Variants in NGEF observed in about 807,000 individuals in gnomAD.
NGEF encodes the protein neuronal guanine nucleotide exchange factor, also known as ephexin-1.
Under a neutral mutation model 80.9 loss-of-function variants are expected in NGEF, and 31 were observed. The ratio of observed to expected loss-of-function variants is 0.38; its 90% CI spans 0.29 to 0.52. NGEF has a LOEUF of 0.52. Ranked by LOEUF, NGEF falls within the 20% of genes least tolerant of loss-of-function variation. The pLI is 0.84. For synonymous variants in NGEF, 371 were observed against 370.2 expected, an observed-to-expected ratio of 1.00 and a Z score of -0.03; for missense variants, 709 against 926.2, an observed-to-expected ratio of 0.77 and a Z score of 3.04.
At chr2:232,920,224 C>G (rs377343540) in intron 5 of NGEF, 60 bp downstream of exon 5, 3 of 1,531,582 alleles carry the variant, frequency 2.0e-6, no homozygotes, top group African/African-American at 1.4e-5. Context: ...GCCTCACCCC[C>G]AGCAGTGAGG....
chr2:233,000,236 T>C lies in NGEF; in HGVS notation c.-75+12832A>G, dbSNP rs367798020. On this transcript the variant is annotated intron_variant, in intron 1 of 14. Transcript: ENST00000264051. Reference sequence around the variant, plus strand: ...TCAGTCTCCTGAGTAGCTGGGACTATAGGCATACACTGCCATGCTTGGCTA... The same window carrying C: ...TCAGTCTCCTGAGTAGCTGGGACTACAGGCATACACTGCCATGCTTGGCTA... Among the ~76,000 whole-genome samples, 6 of 152,310 alleles carry C rather than the reference T, an allele frequency of 3.9e-5. No homozygotes were observed. The South Asian group carries it at 1.2e-3, about 32-fold the overall frequency.
Position 232,888,088 on chromosome 2 carries a change from T to C in NGEF, c.1292A>G (p.Glu431Gly). 2 of 1,607,696 alleles carry C rather than the reference T, an allele frequency of 1.2e-6. No homozygotes were observed. The part of the protein sequence containing the change: ...LLVQNILKRV[E>G]ERSERECTAL... ...AGTGCACTCCCGCTCAGACCTCTCTTCTACCCTCTTCAGGATGTTCTATGC... is the reference window on the plus strand; with the variant it reads ...AGTGCACTCCCGCTCAGACCTCTCTCCTACCCTCTTCAGGATGTTCTATGC... Residue 431 changes from glutamate to glycine, a missense_variant, in exon 9 of 15, where the codon GAA (glutamate) becomes GGA (glycine). This residue lies in a region of NGEF where 426 missense variants were observed against 622.9 expected (regional missense o/e 0.68). Coordinates refer to ENST00000264051, the MANE Select transcript of NGEF (RefSeq NM_019850.3).
At chr2:232,917,655 G>C (rs918904548) in intron 5 of NGEF, among the ~76,000 whole-genome samples, 1 of 151,836 alleles carries the variant, frequency 6.6e-6, no homozygotes, top group South Asian at 2.1e-4. Context: ...ATTTTTAGTA[G>C]ATGAATAAGA....
intron 3 of NGEF, among the ~76,000 whole-genome samples, chr2:232,962,438 A>G (rs1168860008): frequency 2.0e-5 from 3 of 151,844 alleles, no homozygotes; most frequent in Non-Finnish European, 4.4e-5. Context: ...AATCCCAGCT[A>G]CTTGGGAAGC....
intron 5 of NGEF, among the ~76,000 whole-genome samples, chr2:232,910,589 G>C (rs1015390630): frequency 5.3e-5 from 8 of 151,714 alleles, no homozygotes; most frequent in African/African-American, 2.0e-4. Context: ...CTACGGGGCG[G>C]GGCTGCTGGG....
At chr2:232,970,459 CT>C in intron 2 of NGEF, 131 bp from the exon 3 acceptor site, 1 of 583,968 alleles carries the variant, frequency 1.7e-6, no homozygotes, top group East Asian at 3.5e-5. Flanking sequence ...AGGGGTGTCC[CT>C]CCCCTCACTC....
intron 11 of NGEF, 92 bp downstream of exon 11, chr2:232,883,889 C>T (rs760864748): frequency 1.8e-5 from 25 of 1,353,698 alleles, no homozygotes; most frequent in East Asian, 5.0e-5. Flanking sequence ...AGCTCTGTCC[C>T]GACACCCCCA....
intron 13 of NGEF, 123 bp from the exon 14 acceptor site, chr2:232,881,373 C>T (rs930119144): frequency 3.3e-5 from 23 of 696,352 alleles, no homozygotes; most frequent in African/African-American, 1.6e-4. Flanking sequence ...GAGAAGGGCT[C>T]GTCTGAGGAA....
At chr2:232,883,566 C>A in intron 11 of NGEF, 100 bp from the exon 12 acceptor site, 1 of 1,211,004 alleles carries the variant, frequency 8.3e-7, no homozygotes, top group Non-Finnish European at 1.1e-6. Flanking sequence ...GGCTCCACAG[C>A]GCTGGCTGAT....
chr2:232,894,035 T>A (rs911268065), intron 6 of NGEF, among the ~76,000 whole-genome samples: 5 of 152,184 alleles, frequency 3.3e-5, no homozygotes, highest in African/African-American at 1.2e-4. Context: ...GGCCCCACCT[T>A]GGTTTCCCAT....
At chr2:232,894,672 G>T in intron 6 of NGEF, 84 bp downstream of exon 6, 1 of 1,268,578 alleles carries the variant, frequency 7.9e-7, no homozygotes. Flanking sequence ...AGCCAGTATC[G>T]AGCACTTGTC....
At position 232,884,152 on chromosome 2, in the gene NGEF, G is replaced by A. The variant is rs201475244; in HGVS notation, c.1438-8C>T. ...GGAGATGATGGGCACCGACTGCAGC[G>A]GGGAAAGGGCATCAGGCAGGCTGTG... On this transcript the variant is annotated splice_region_variant and splice_polypyrimidine_tract_variant and intron_variant, in intron 10 of 14. Transcript: ENST00000264051. The A allele has an allele frequency of 3.2e-5, 50 of 1,586,398 alleles. No homozygotes were observed. The East Asian group carries it at 3.6e-4, about 11-fold the overall frequency.
At chr2:232,983,291 G>A (rs927149860) in intron 1 of NGEF, among the ~76,000 whole-genome samples, 2 of 152,102 alleles carry the variant, frequency 1.3e-5, no homozygotes, top group African/African-American at 2.4e-5. Context: ...CCCCTACTAC[G>A]CCGTGGCCAC....
At chr2:232,990,171 A>G (rs1343224365) in intron 1 of NGEF, among the ~76,000 whole-genome samples, 1 of 152,142 alleles carries the variant, frequency 6.6e-6, no homozygotes, top group Admixed American at 6.5e-5. Flanking sequence ...CAAAGAACCA[A>G]CTGAAACTCC....
intron 9 of NGEF, among the ~76,000 whole-genome samples, chr2:232,885,748 G>A (rs754676814): frequency 2.6e-5 from 4 of 152,084 alleles, no homozygotes; most frequent in Non-Finnish European, 4.4e-5. Flanking sequence ...AAAATCCCAC[G>A]CTTCCTGGGG....
At chr2:232,999,565 C>T (rs1475178798) in intron 1 of NGEF, among the ~76,000 whole-genome samples, 1 of 152,236 alleles carries the variant, frequency 6.6e-6, no homozygotes, top group Non-Finnish European at 1.5e-5. Context: ...TCACATTTCC[C>T]TGCCATCAGA....
At chr2:232,967,683 T>C (rs894597192) in intron 3 of NGEF, among the ~76,000 whole-genome samples, 3 of 148,814 alleles carry the variant, frequency 2.0e-5, no homozygotes, top group African/African-American at 7.5e-5. Context: ...CCATAATATC[T>C]AATTACATGC....
intron 1 of NGEF, among the ~76,000 whole-genome samples, chr2:232,981,140 C>T (rs935509382): frequency 1.1e-5 from 1 of 93,010 alleles, no homozygotes; most frequent in African/African-American, 4.7e-5. Flanking sequence ...GGCCGAGGGC[C>T]TCCCAAGCAC....
chr2:232,979,972 T>C (rs948468441), intron 1 of NGEF, among the ~76,000 whole-genome samples: 3 of 152,118 alleles, frequency 2.0e-5, no homozygotes, highest in Non-Finnish European at 2.9e-5. Flanking sequence ...GCTGCCACTC[T>C]CAGAGCTGTG....
Sources: allele counts gnomAD v4.1 joint callset (sites outside exome capture counted in the v4.1 genomes callset), GRCh38; gene constraint gnomAD v4.1.1; regional missense constraint gnomAD v4.1.1; transcripts MANE v1.5; gene names NCBI Gene and HGNC (gene_info 2026-07-23, HGNC 2026-07-21).